Variants in DDX25 observed in about 807,000 individuals in gnomAD.
DDX25 encodes ATP-dependent RNA helicase DDX25.
Under a neutral mutation model 64.6 loss-of-function variants are expected in DDX25, and 70 were observed. The observed-to-expected ratio is 1.08, with a 90% CI of 0.89 to 1.32. The LOEUF is 1.32. Ranked by LOEUF, DDX25 falls within the 40% of genes most tolerant of loss-of-function variation. The pLI is 0.00. For missense variants in DDX25, 587 were observed against 604.4 expected (o/e 0.97, Z 0.30); for synonymous variants, 211 against 213.3 (o/e 0.99, Z 0.09).
rs776792225 is a variant in DDX25 at position 125,904,542 on chromosome 11, G to A, written c.25G>A (p.Asp9Asn). 87 of 1,500,020 alleles carry A rather than the reference G, an allele frequency of 5.8e-5. No homozygotes were observed. The highest frequency in any genetic ancestry group is 4.5e-5 in the Admixed American group (2 of 44,116). 92.9% of individuals were successfully genotyped at this position (1,500,020 alleles called of 1,614,324 possible). The change falls in exon 1 of 12, where the codon GAC (aspartate) becomes AAC (asparagine). Residue 9 changes from aspartate (D) to asparagine (N), a missense_variant. Transcript: ENST00000263576. ...CATGGCGTCGTTACTGTGGGGAGGC[G>A]ACGCAGGGGCGGCGGAGAGCGAGCG... MASLLWGG[D>N]AGAAESERLN...
At chr11:125,911,660 A>G (rs930907499) in intron 8 of DDX25, among the ~76,000 whole-genome samples, 172 bp downstream of exon 8, 8 of 152,178 alleles carry the variant, frequency 5.3e-5, no homozygotes. Flanking sequence ...AGACTGCTAT[A>G]GTTTTCCAGC....
intron 10 of DDX25, 111 bp downstream of exon 10, chr11:125,918,901 C>T: frequency 1.6e-6 from 2 of 1,265,098 alleles, no homozygotes; most frequent in Non-Finnish European, 2.1e-6. Flanking sequence ...GCAGCTATCA[C>T]TGTCATCAAA....
At chr11:125,916,561 C>CTAG (rs1391823055) in intron 8 of DDX25, among the ~76,000 whole-genome samples, 1 of 152,194 alleles carries the variant, frequency 6.6e-6, no homozygotes, top group Non-Finnish European at 1.5e-5. Flanking sequence ...TAATTTGTAT[C>CTAG]TAGTTCTTCC....
intron 3 of DDX25, among the ~76,000 whole-genome samples, 187 bp downstream of exon 3, chr11:125,905,784 G>T (rs1180364050): frequency 2.6e-5 from 4 of 152,200 alleles, no homozygotes; most frequent in African/African-American, 9.7e-5. Context: ...AGTTGAAATG[G>T]AATATGCAGG....
rs1310317730 is a variant in DDX25, at chr11:125,905,202, C to G, written c.64-10C>G. 1.3e-6 allele frequency: 2 copies of G among 1,551,224 alleles called. No homozygotes were observed. The highest frequency in any genetic ancestry group is 1.7e-6 in the Non-Finnish European group (2 of 1,146,830). On this transcript the variant is annotated splice_polypyrimidine_tract_variant and intron_variant, in intron 1 of 11. Transcript: ENST00000263576. ...TCCTAATATTGGTTGAAATTTGTGT[C>G]TCTCAATAGTTTTCAAACCTCAGCC...
At chr11:125,919,245 A>C (rs1017627143) in intron 10 of DDX25, among the ~76,000 whole-genome samples, 1 of 152,214 alleles carries the variant, frequency 6.6e-6, no homozygotes, top group Non-Finnish European at 1.5e-5. Context: ...CAAGGCAGTA[A>C]CAAAAATTCA....
Position 125,917,148 on chromosome 11 carries a change from T to C in DDX25, c.935T>C (p.Ile312Thr), listed in dbSNP as rs1393684896. Residue 312 changes from isoleucine to threonine, a missense_variant, in exon 9 of 12, where the codon ATC becomes ACC. By Grantham distance (89) the Ile-to-Thr change is moderately conservative. Coordinates refer to ENST00000263576, the MANE Select transcript of DDX25 (RefSeq NM_013264.5). ...LRKEELTLNN[I>T]RQYYVLCEHR... ...AAAGAGGAGCTCACACTGAACAACA[T>C]CCGGCAATATTACGTGCTGTGTGAG... The C allele has an allele frequency of 1.9e-6, 3 of 1,611,080 alleles. No homozygotes were observed. Among genetic ancestry groups the C allele is most frequent in the East Asian group, 2.2e-5 (1 of 44,864 alleles).
At chr11:125,914,316 A>G (rs1045067426) in intron 8 of DDX25, among the ~76,000 whole-genome samples, 1 of 152,058 alleles carries the variant, frequency 6.6e-6, no homozygotes, top group African/African-American at 2.4e-5. Context: ...GGTCTTTAGG[A>G]CTATGTAATG....
chr11:125,908,200 GAAGA>G lies in DDX25; in HGVS notation c.317_320del (p.Glu106GlyfsTer3). The G allele has an allele frequency of 6.3e-7, 1 of 1,599,852 alleles. No individual in the cohort carries two copies. On this transcript the variant is annotated frameshift_variant, in exon 5 of 12. Transcript: ENST00000263576. LOFTEE classifies it high-confidence loss of function. ...TTTGATTTTTTTTTTTGACAGAAAG[GAAGA>G]GTTACTAAAAGGAATCTATGCAATG...
intron 4 of DDX25, 55 bp downstream of exon 4, chr11:125,906,264 C>A: frequency 6.7e-7 from 1 of 1,491,492 alleles, no homozygotes; most frequent in Non-Finnish European, 8.9e-7. Context: ...ACAGAACAAA[C>A]GCATCTGCTT....
chr11:125,919,075 C>T (rs1308803715), intron 10 of DDX25, among the ~76,000 whole-genome samples: 1 of 152,158 alleles, frequency 6.6e-6, no homozygotes, highest in Non-Finnish European at 1.5e-5. Flanking sequence ...ACTTCCTCCA[C>T]CTGACATAAT....
intron 8 of DDX25, among the ~76,000 whole-genome samples, chr11:125,916,477 A>T (rs1028365929): frequency 1.3e-5 from 2 of 152,178 alleles, no homozygotes; most frequent in Admixed American, 6.5e-5. Context: ...ACTTTATGTG[A>T]ATCAGCCCTG....
rs1248320173 is a variant in DDX25, at chr11:125,926,221, CAT to C, written c.*3341_*3342del. 1 of 152,358 alleles carries C rather than the reference CAT, an allele frequency of 6.6e-6. No homozygotes were observed. Among genetic ancestry groups the C allele is most frequent in the Non-Finnish European group, 1.5e-5 (1 of 68,162 alleles). 9.4% of individuals were successfully genotyped at this position (152,358 alleles called of 1,614,324 possible). On this transcript the variant is annotated 3_prime_UTR_variant, in exon 12 of 12. Transcript: ENST00000263576. ...TCTCACCCACATTGTACAGACAGCCCATCATGCTCAGCCTTGCAGGAGGGTCT... is the reference window on the plus strand; with the variant it reads ...TCTCACCCACATTGTACAGACAGCCCCATGCTCAGCCTTGCAGGAGGGTCT...
At chr11:125,918,832 G>T (rs1247737743) in intron 10 of DDX25, 42 bp downstream of exon 10, 1 of 1,521,312 alleles carries the variant, frequency 6.6e-7, no homozygotes, top group Non-Finnish European at 8.9e-7. Context: ...ATTTGCATAT[G>T]ATAAAATGCA....
intron 11 of DDX25, chr11:125,922,251 A>G (rs971667935): frequency 6.6e-6 from 1 of 152,180 alleles, no homozygotes; most frequent in African/African-American, 2.4e-5. Context: ...CTGTGCCCCA[A>G]AGCCCATGGA....
At chr11:125,913,277 C>T (rs1944990398) in intron 8 of DDX25, among the ~76,000 whole-genome samples, 1 of 151,914 alleles carries the variant, frequency 6.6e-6, no homozygotes, top group South Asian at 2.1e-4. Context: ...CTTTCCTTTG[C>T]TCACTTAAGT....
chr11:125,919,102 A>T (rs1379245689), intron 10 of DDX25, among the ~76,000 whole-genome samples: 1 of 152,132 alleles, frequency 6.6e-6, no homozygotes, highest in East Asian at 1.9e-4. Flanking sequence ...AATAATACTA[A>T]TGAATTTCAT....
At chr11:125,911,010 A>G (rs1398748608) in intron 7 of DDX25, among the ~76,000 whole-genome samples, 1 of 151,320 alleles carries the variant, frequency 6.6e-6, no homozygotes, top group Non-Finnish European at 1.5e-5. Flanking sequence ...ACTTTTTTTC[A>G]TACTGTTTGT....
intron 4 of DDX25, among the ~76,000 whole-genome samples, chr11:125,907,462 G>C (rs1039881085): frequency 1.3e-5 from 2 of 152,032 alleles, no homozygotes; most frequent in Non-Finnish European, 2.9e-5. Flanking sequence ...CAAAAAATTA[G>C]CCAGGTGTGG....
Sources: gnomAD v4.1 joint callset for allele counts (sites outside exome capture counted in the v4.1 genomes callset) on GRCh38, gnomAD v4.1.1 for gene constraint, MANE v1.5 for transcripts, NCBI Gene and HGNC (gene_info 2026-07-23, HGNC 2026-07-21) for gene names.